The following NIPAL2 variants were observed in gnomAD, a reference collection of about 807,000 sequenced individuals.
The protein encoded by NIPAL2 is NIPA like domain containing 2, also known as NIPA-like protein 2.
NIPAL2 carries 43 observed loss-of-function variants against 48.9 expected under a neutral mutation model. The observed-to-expected ratio is 0.88, with a 90% CI of 0.69 to 1.13. The LOEUF is 1.13. Among genes scored for constraint, NIPAL2 ranks in the 50% most tolerant of loss-of-function variants. NIPAL2 has a pLI of 0.00. For synonymous variants in NIPAL2, 167 were observed against 174.6 expected (o/e 0.96, Z 0.34); for missense variants, 446 against 461.4 (o/e 0.97, Z 0.31).
At chr8:98,244,865 G>T (rs552125213) in intron 3 of NIPAL2, among the ~76,000 whole-genome samples, 16 of 152,068 alleles carry the variant, frequency 1.1e-4, no homozygotes, top group Non-Finnish European at 2.2e-4. Context: ...GCCAACTCTG[G>T]TCTACAGGCA....
Position 98,220,041 on chromosome 8 carries a change from AT to A in NIPAL2, c.558+2437del, listed in dbSNP as rs1361912486. ...TTAAAGGGGTGTGTAGTGTATGAGA[AT>A]TTTTTTTTTTTTAAACAGAGAAACC... On this transcript the variant is annotated intron_variant, in intron 5 of 10. Transcript: ENST00000430223. Among the ~76,000 whole-genome samples the A allele has an allele frequency of 8.1e-3, 1,199 of 147,468 alleles. 8 individuals carry two copies. The highest frequency in any genetic ancestry group is 0.025 in the African/African-American group (1,029 of 40,506).
intron 4 of NIPAL2, among the ~76,000 whole-genome samples, chr8:98,223,283 A>G (rs1212570608): frequency 6.6e-6 from 1 of 152,218 alleles, no homozygotes; most frequent in Admixed American, 6.5e-5. Flanking sequence ...AACCTATGTA[A>G]GGAATGTGTT....
chr8:98,255,077 CTAT>C (rs1381964687), intron 1 of NIPAL2, among the ~76,000 whole-genome samples: 1 of 151,764 alleles, frequency 6.6e-6, no homozygotes, highest in Non-Finnish European at 1.5e-5. Context: ...CTGCTTCTTT[CTAT>C]TGGGTCTTCT....
rs948635353 is a variant in NIPAL2 at position 98,217,139 on chromosome 8, C to T, written c.559-4638G>A. 8.1e-6 allele frequency: 8 copies of T among 985,338 alleles called. No individual in the cohort carries two copies. In the African/African-American group the frequency reaches 1.0e-4, roughly 13 times the overall value. The allele number at this position is 985,338 out of a possible 1,614,324, so 61.0% of individuals were successfully genotyped here. ...CTGGGAAAGGCTGTTTTAGTGAGTG[C>T]ACTTTATTCTTCTCTGGCTGGTATA... On this transcript the variant is annotated intron_variant, in intron 5 of 10. Transcript: ENST00000430223.
At chr8:98,205,001 T>C in intron 7 of NIPAL2, 110 bp downstream of exon 7, 2 of 1,207,564 alleles carry the variant, frequency 1.7e-6, no homozygotes, top group Non-Finnish European at 2.4e-6. Context: ...CCTTCACCCT[T>C]AGAAATCAGT....
In NIPAL2 at chr8:98,190,816, CAGAT is replaced by C. The variant is rs1207473919; in HGVS notation, c.*2158_*2161del. 2 of 152,166 alleles carry C rather than the reference CAGAT, an allele frequency of 1.3e-5. No homozygotes were observed. Among genetic ancestry groups the C allele is most frequent in the Admixed American group, 1.3e-4 (2 of 15,276 alleles). 9.4% of individuals were successfully genotyped at this position (152,166 alleles called of 1,614,324 possible). The stretch of plus-strand genomic sequence containing the variant: ...AAACTTTGCCGACCCTTGGTCTAGA[CAGAT>C]AGTCAGATGAGCTAACAGTTGGCTA... On this transcript the variant is annotated 3_prime_UTR_variant, in exon 11 of 11. Coordinates refer to ENST00000430223, the MANE Select transcript of NIPAL2 (RefSeq NM_001321635.2).
chr8:98,242,488 A>ATTTTTTGTT (rs774556900), intron 3 of NIPAL2, among the ~76,000 whole-genome samples: 3 of 117,768 alleles, frequency 2.5e-5, no homozygotes, highest in Non-Finnish European at 3.4e-5. Context: ...CACCTGACAG[A>ATTTTTTGTT]TTTTTTTTTT....
chr8:98,258,939 G>A (rs1055866046), intron 1 of NIPAL2, among the ~76,000 whole-genome samples: 8 of 151,142 alleles, frequency 5.3e-5, no homozygotes, highest in South Asian at 2.1e-4. Flanking sequence ...AACAGTCTGC[G>A]TATTAAAAAA....
At position 98,190,500 on chromosome 8, in the gene NIPAL2, T is replaced by G. The variant is rs1810262875; in HGVS notation, c.*2478A>C. 1 of 152,248 alleles carries G rather than the reference T, an allele frequency of 6.6e-6. No individual in the cohort carries two copies. The highest frequency in any genetic ancestry group is 2.4e-5 in the African/African-American group (1 of 41,406). The allele number at this position is 152,248 out of a possible 1,614,324, so 9.4% of individuals were successfully genotyped here. Reference sequence around the variant, plus strand: ...GTCATGCCTGGCTAATTTTTGTACTTTTAGTAGAGATGGGGTTTCACTATG... The same window carrying G: ...GTCATGCCTGGCTAATTTTTGTACTGTTAGTAGAGATGGGGTTTCACTATG... On this transcript the variant is annotated 3_prime_UTR_variant, in exon 11 of 11. Coordinates refer to ENST00000430223, the MANE Select transcript of NIPAL2 (RefSeq NM_001321635.2).
In NIPAL2 at chr8:98,212,413, G is replaced by T. The variant is rs577805990; in HGVS notation, c.647C>A (p.Ala216Glu). 1.9e-6 allele frequency: 3 copies of T among 1,573,484 alleles called. No homozygotes were observed. Among genetic ancestry groups the T allele is most frequent in the East Asian group, 4.5e-5 (2 of 44,644 alleles). Reference sequence around the variant, plus strand: ...ACAAAATATGCCTTTACCTAGAATTGCCACCAGGGTTAGCAGAATCACCAT... The same window carrying T: ...ACAAAATATGCCTTTACCTAGAATTTCCACCAGGGTTAGCAGAATCACCAT... ...KHMVILLTLV[A>E]ILASLTVISV... The change falls in exon 6 of 11, where the codon GCA (alanine) becomes GAA (glutamate). Residue 216 changes from alanine to glutamate, a missense_variant. By Grantham distance (107) the Ala-to-Glu change is moderately radical (BLOSUM62 -1). Coordinates refer to ENST00000430223, the MANE Select transcript of NIPAL2 (RefSeq NM_001321635.2).
chr8:98,209,445 CAAAAAAA>C (rs33923448), intron 6 of NIPAL2, among the ~76,000 whole-genome samples: 2 of 70,512 alleles, frequency 2.8e-5, no homozygotes, highest in African/African-American at 6.2e-5. Flanking sequence ...CCTGTCTCTC[CAAAAAAA>C]AAAAAAAAAA....
intron 1 of NIPAL2, among the ~76,000 whole-genome samples, chr8:98,289,574 C>T (rs1438856733): frequency 6.6e-6 from 1 of 151,154 alleles, no homozygotes; most frequent in African/African-American, 2.4e-5. Context: ...TGGTCTTGAA[C>T]TCTTGGGCTC....
chr8:98,238,624 T>C (rs1309193110), intron 3 of NIPAL2, among the ~76,000 whole-genome samples: 1 of 147,294 alleles, frequency 6.8e-6, no homozygotes, highest in African/African-American at 2.7e-5. Context: ...TTTTTTTTCC[T>C]CAACTTAGCT....
chr8:98,277,191 C>T (rs1815520589), intron 1 of NIPAL2, among the ~76,000 whole-genome samples: 1 of 152,266 alleles, frequency 6.6e-6, no homozygotes, highest in South Asian at 2.1e-4. Flanking sequence ...TTTTAATATA[C>T]TCATACAGTT....
intron 5 of NIPAL2, among the ~76,000 whole-genome samples, chr8:98,216,522 T>G (rs1231956926): frequency 3.9e-5 from 6 of 152,208 alleles, no homozygotes; most frequent in Non-Finnish European, 8.8e-5. Context: ...TATAAAAACA[T>G]ACAGTTTTCT....
At chr8:98,199,692 G>A (rs1193867753) in intron 8 of NIPAL2, among the ~76,000 whole-genome samples, 1 of 152,104 alleles carries the variant, frequency 6.6e-6, no homozygotes, top group Non-Finnish European at 1.5e-5. Context: ...AATAATGCAA[G>A]AATTACTAAA....
chr8:98,198,512 C>T (rs761585393), intron 8 of NIPAL2, among the ~76,000 whole-genome samples: 11 of 152,338 alleles, frequency 7.2e-5, no homozygotes, highest in Middle Eastern at 3.4e-3. Context: ...CATGAAAGTC[C>T]TAGATGGTGT....
chr8:98,251,696 A>C (rs1190913147), intron 3 of NIPAL2: 1 of 152,234 alleles, frequency 6.6e-6, no homozygotes, highest in Non-Finnish European at 1.5e-5. Context: ...AGGAACATTT[A>C]AATTGGGATA....
intron 1 of NIPAL2, among the ~76,000 whole-genome samples, chr8:98,270,214 C>T (rs1815042434): frequency 6.6e-6 from 1 of 152,158 alleles, no homozygotes; most frequent in African/African-American, 2.4e-5. Flanking sequence ...AATGGGATTG[C>T]TGGGTGAAAT....
Sources: gnomAD v4.1 joint callset for allele counts (sites outside exome capture counted in the v4.1 genomes callset) on GRCh38, gnomAD v4.1.1 for gene constraint, MANE v1.5 for transcripts, NCBI Gene and HGNC (gene_info 2026-07-23, HGNC 2026-07-21) for gene names.